The following CREBRF variants were observed in gnomAD, a reference collection of about 807,000 sequenced individuals.
CREBRF encodes CREB3 regulatory factor.
CREBRF carries 5 observed loss-of-function variants against 66.1 expected under a neutral mutation model. That is an observed-to-expected ratio of 0.08 (90% confidence interval 0.04 to 0.16). The LOEUF is 0.16. Ranked by LOEUF, CREBRF falls within the 10% of genes least tolerant of loss-of-function variation. The pLI, the probability that CREBRF is intolerant of heterozygous loss-of-function variation, is 1.00. For missense variants in CREBRF, 531 were observed against 744.9 expected, an observed-to-expected ratio of 0.71 and a Z score of 3.34; for synonymous variants, 229 against 264.4, an observed-to-expected ratio of 0.87 and a Z score of 1.30.
Position 173,135,696 on chromosome 5 carries a change from A to G in CREBRF, c.*1951A>G, listed in dbSNP as rs1258750993. The G allele has an allele frequency of 6.6e-6, 1 of 152,218 alleles. No homozygotes were observed. The highest frequency in any genetic ancestry group is 2.4e-5 in the African/African-American group (1 of 41,428). 9.4% of individuals were successfully genotyped at this position (152,218 alleles called of 1,614,324 possible). On this transcript the variant is annotated 3_prime_UTR_variant, in exon 9 of 9. Coordinates refer to ENST00000296953, the MANE Select transcript of CREBRF (RefSeq NM_153607.3). ...TCTTTTACTTTGTTACCCCATTTGTAAGCTATAGCATATGAAGCTATATAT... is the reference window on the plus strand; with the variant it reads ...TCTTTTACTTTGTTACCCCATTTGTGAGCTATAGCATATGAAGCTATATAT...
At chr5:173,061,404 A>T (rs1486150582) in intron 1 of CREBRF, among the ~76,000 whole-genome samples, 1 of 152,226 alleles carries the variant, frequency 6.6e-6, no homozygotes, top group Non-Finnish European at 1.5e-5. Flanking sequence ...ATATGGCAAC[A>T]TTGTATTTTG....
rs80028711 is a variant in CREBRF at position 173,119,322 on chromosome 5, A to G, written c.1682-3758A>G. On this transcript the variant is annotated intron_variant, in intron 7 of 8. Coordinates refer to ENST00000296953, the MANE Select transcript of CREBRF (RefSeq NM_153607.3). Reference sequence around the variant, plus strand: ...ATCCATGGACCTGGTATCTCTCTCTACCTAGCTAAGTCTTCTTTAGTTTCT... The same window carrying G: ...ATCCATGGACCTGGTATCTCTCTCTGCCTAGCTAAGTCTTCTTTAGTTTCT... 8.6e-3 allele frequency among the ~76,000 whole-genome samples: 1,312 copies of G among 152,236 alleles called. 11 individuals are homozygous for G. Among genetic ancestry groups the G allele is most frequent in the Non-Finnish European group, 0.014 (933 of 68,016 alleles).
intron 7 of CREBRF, among the ~76,000 whole-genome samples, chr5:173,118,652 A>G (rs2113787758): frequency 6.6e-6 from 1 of 152,158 alleles, no homozygotes; most frequent in Middle Eastern, 3.4e-3. Flanking sequence ...TCAATAGACC[A>G]CATATTTATG....
At chr5:173,121,565 G>C (rs1291126280) in intron 7 of CREBRF, among the ~76,000 whole-genome samples, 1 of 151,836 alleles carries the variant, frequency 6.6e-6, no homozygotes, top group African/African-American at 2.4e-5. Flanking sequence ...CCCGTGATCC[G>C]CCCGCCTTGG....
chr5:173,082,641 C>T (rs1206895938), intron 2 of CREBRF, among the ~76,000 whole-genome samples: 3 of 151,228 alleles, frequency 2.0e-5, no homozygotes, highest in Non-Finnish European at 4.4e-5. Flanking sequence ...TTGGCAGTGG[C>T]TCATATCTGT....
At chr5:173,112,268 GAAAA>G (rs1195524664) in intron 6 of CREBRF, 34 bp from the exon 7 acceptor site, 3 of 1,433,524 alleles carry the variant, frequency 2.1e-6, no homozygotes, top group East Asian at 4.7e-5. Context: ...TTAAAATTAA[GAAAA>G]AGAAAGTGAA....
At position 173,123,116 on chromosome 5, in the gene CREBRF, A is replaced by T; in HGVS notation, c.1718A>T (p.Glu573Val). Residue 573 changes from glutamate to valine, a missense_variant, in exon 8 of 9, where the codon GAG becomes GTG. By Grantham distance (121) the Glu-to-Val change is moderately radical. Coordinates refer to ENST00000296953, the MANE Select transcript of CREBRF (RefSeq NM_153607.3). The stretch of plus-strand genomic sequence containing the variant: ...TTTGTAATCAACTCCATCAAGCAAG[A>T]GATTGTAAACCGGGTACAGAATCCA... ...LLFVINSIKQ[E>V]IVNRVQNPRD... 6.2e-7 allele frequency: 1 copy of T among 1,605,856 alleles called. No homozygotes were observed. Among genetic ancestry groups the T allele is most frequent in the East Asian group, 2.2e-5 (1 of 44,702 alleles).
chr5:173,061,445 T>C (rs553282495), intron 1 of CREBRF, among the ~76,000 whole-genome samples: 1 of 152,366 alleles, frequency 6.6e-6, no homozygotes. Context: ...ATAAATGTTT[T>C]CTTGAAAAGC....
intron 1 of CREBRF, among the ~76,000 whole-genome samples, chr5:173,076,508 T>G (rs564792392): frequency 6.6e-6 from 1 of 152,168 alleles, no homozygotes; most frequent in East Asian, 1.9e-4. Flanking sequence ...CCCAACACTT[T>G]AGGAGGACAA....
chr5:173,056,583 G>T, intron 1 of CREBRF, 104 bp downstream of exon 1: 5 of 394,412 alleles, frequency 1.3e-5, no homozygotes, highest in Non-Finnish European at 2.2e-5. Context: ...CAGCGCTGGG[G>T]CTCTGGGCCG....
At chr5:173,112,678 A>G (rs994664933) in intron 7 of CREBRF, among the ~76,000 whole-genome samples, 2 of 152,222 alleles carry the variant, frequency 1.3e-5, no homozygotes, top group African/African-American at 4.8e-5. Context: ...GAAAAGTTTT[A>G]CAAGTAAATT....
chr5:173,066,148 C>A (rs996221365), intron 1 of CREBRF, among the ~76,000 whole-genome samples: 2 of 152,132 alleles, frequency 1.3e-5, no homozygotes. Context: ...TAAATTCTTG[C>A]GCACTATCTG....
chr5:173,072,592 CTTTTTT>C (rs76691654), intron 1 of CREBRF, among the ~76,000 whole-genome samples: 2 of 135,648 alleles, frequency 1.5e-5, no homozygotes, highest in African/African-American at 2.7e-5. Context: ...CTGATTTTTA[CTTTTTT>C]TTTTTTTTTT....
In CREBRF at chr5:173,139,113, A is replaced by C. The variant is rs1473450050; in HGVS notation, c.*5368A>C. 1 of 152,066 alleles carries C rather than the reference A, an allele frequency of 6.6e-6. No homozygotes were observed. The highest frequency in any genetic ancestry group is 2.4e-5 in the African/African-American group (1 of 41,376). The allele number at this position is 152,066 out of a possible 1,614,324, so 9.4% of individuals were successfully genotyped here. ...GCATGAGCTGTTTAAAAATTATCCT[A>C]TTAAATGTTGGTTAATAGTTGTGCA... On this transcript the variant is annotated 3_prime_UTR_variant, in exon 9 of 9. Coordinates refer to ENST00000296953, the MANE Select transcript of CREBRF (RefSeq NM_153607.3).
rs1415231979 is a variant in CREBRF at position 173,136,042 on chromosome 5, G to A, written c.*2297G>A. ...GAAGTATATGAAGTCTTGACAGAGT[G>A]TGTCTGGTAAATTGAAAAGTGTTTC... On this transcript the variant is annotated 3_prime_UTR_variant, in exon 9 of 9. Transcript: ENST00000296953. The A allele has an allele frequency of 2.6e-5, 4 of 152,470 alleles. No individual in the cohort carries two copies. Among genetic ancestry groups the A allele is most frequent in the Non-Finnish European group, 4.4e-5 (3 of 67,936 alleles). The allele number at this position is 152,470 out of a possible 1,614,324, so 9.4% of individuals were successfully genotyped here.
At chr5:173,080,353 C>T (rs1462773588) in intron 1 of CREBRF, among the ~76,000 whole-genome samples, 1 of 148,694 alleles carries the variant, frequency 6.7e-6, no homozygotes, top group Non-Finnish European at 1.5e-5. Flanking sequence ...TTTAATGTTG[C>T]CAATTGGTTA....
intron 1 of CREBRF, among the ~76,000 whole-genome samples, chr5:173,074,046 C>G (rs1478559760): frequency 6.6e-6 from 1 of 151,632 alleles, no homozygotes; most frequent in Non-Finnish European, 1.5e-5. Context: ...CTCATGCCTG[C>G]AATCCCATCC....
At chr5:173,110,473 CTT>C in intron 5 of CREBRF, 47 bp from the exon 6 acceptor site, 2 of 1,366,116 alleles carry the variant, frequency 1.5e-6, no homozygotes, top group Non-Finnish European at 1.0e-6. Context: ...AAACGTGTCT[CTT>C]GTTAATTAAA....
At chr5:173,082,576 C>T (rs1296323691) in intron 2 of CREBRF, among the ~76,000 whole-genome samples, 2 of 148,994 alleles carry the variant, frequency 1.3e-5, no homozygotes, top group African/African-American at 5.0e-5. Context: ...AACATTTCTG[C>T]AGAAACTTGC....
Sources: gnomAD v4.1 joint callset for allele counts (sites outside exome capture counted in the v4.1 genomes callset) on GRCh38, gnomAD v4.1.1 for gene constraint, MANE v1.5 for transcripts, NCBI Gene and HGNC (gene_info 2026-07-23, HGNC 2026-07-21) for gene names.